Variants in ICE2 observed in about 807,000 individuals in gnomAD.
ICE2 encodes the protein interactor of little elongation complex ELL subunit 2, also known as little elongation complex subunit 2.
A neutral mutation model predicts 105.4 loss-of-function variants in ICE2; 87 were observed. That is an observed-to-expected ratio of 0.83 (90% CI 0.69 to 0.99). ICE2 has a LOEUF of 0.99. ICE2 is among the 50% of genes least tolerant of loss of function. The pLI, the probability that ICE2 is intolerant of heterozygous loss-of-function variation, is 0.00. For missense variants in ICE2, 1,323 were observed against 1,146.7 expected (o/e 1.15, Z -2.22); for synonymous variants, 399 against 392.0 (o/e 1.02, Z -0.21).
At position 60,455,094 on chromosome 15, in the gene ICE2, A is replaced by T; in HGVS notation, c.852T>A (p.Ser284Arg). 6.2e-7 allele frequency: 1 copy of T among 1,603,528 alleles called. No homozygotes were observed. The highest frequency in any genetic ancestry group is 8.5e-7 in the Non-Finnish European group (1 of 1,176,724). Residue 284 changes from serine (S) to arginine (R), a missense_variant, in exon 8 of 16, where the codon AGT becomes AGA. Transcript: ENST00000261520. ...SRYHPQIALT[S>R]QSLFTLLNNH... ...TATTTAATAAGGTAAATAATGACTG[A>T]CTAGTTAGAGCTATCTGAGGGTGAT...
chr15:60,429,398 T>C (rs970468932), intron 14 of ICE2, among the ~76,000 whole-genome samples: 8 of 152,326 alleles, frequency 5.3e-5, no homozygotes, highest in East Asian at 1.9e-4. Context: ...ACCCAGGCAT[T>C]TGAACTCCAC....
intron 5 of ICE2, among the ~76,000 whole-genome samples, chr15:60,462,445 T>C (rs1221879843): frequency 6.6e-6 from 1 of 152,174 alleles, no homozygotes; most frequent in Non-Finnish European, 1.5e-5. Flanking sequence ...GTTTGTGAGG[T>C]AATGCATATG....
intron 3 of ICE2, among the ~76,000 whole-genome samples, chr15:60,474,168 G>A (rs1169326493): frequency 6.6e-6 from 1 of 151,876 alleles, no homozygotes; most frequent in Non-Finnish European, 1.5e-5. Flanking sequence ...AAAATGCTGG[G>A]ATTACAGGTG....
rs533408897 is a variant in ICE2 at position 60,477,858 on chromosome 15, C to A, written c.41+79G>T. On this transcript the variant is annotated intron_variant, in intron 2 of 15. Transcript: ENST00000261520. ...TCTGTTTCCTCCAAATCTCTCTATG[C>A]CAGAAATCTATTTTCTTATGTCAAC... The A allele has an allele frequency of 4.1e-5, 51 of 1,250,958 alleles. No homozygotes were observed. The South Asian group carries it at 5.9e-4, about 14-fold the overall frequency. 77.5% of individuals were successfully genotyped at this position (1,250,958 alleles called of 1,614,324 possible). A position where few individuals can be genotyped will look rare whatever the true frequency, so the allele number is the denominator to read the frequency against.
chr15:60,456,021 A>G (rs1595791082), intron 6 of ICE2, among the ~76,000 whole-genome samples: 2 of 151,900 alleles, frequency 1.3e-5, no homozygotes, highest in East Asian at 3.9e-4. Flanking sequence ...CTCTCCACAC[A>G]CTTATTTCCA....
chr15:60,461,744 T>G (rs1006800399), intron 5 of ICE2, among the ~76,000 whole-genome samples: 32 of 152,180 alleles, frequency 2.1e-4, no homozygotes, highest in African/African-American at 7.5e-4. Flanking sequence ...TCCACTGAAT[T>G]ATTCTCAAAA....
Position 60,479,045 on chromosome 15 carries a change from C to A in ICE2, c.-135G>T, listed in dbSNP as rs906450019. 2 of 455,952 alleles carry A rather than the reference C, an allele frequency of 4.4e-6. No homozygotes were observed. The highest frequency in any genetic ancestry group is 2.0e-5 in the African/African-American group (1 of 50,196). 28.2% of individuals were successfully genotyped at this position (455,952 alleles called of 1,614,324 possible). A position where few individuals can be genotyped will look rare whatever the true frequency, so the allele number is the denominator to read the frequency against. On this transcript the variant is annotated 5_prime_UTR_variant, in exon 1 of 16. Transcript: ENST00000261520. ...CTCTTGCCCAGGCCGCAGCCACACA[C>A]CACACACGCTCCACCCCACTCCTCA...
chr15:60,456,857 TTA>T, intron 5 of ICE2, 63 bp from the exon 6 acceptor site: 1 of 1,053,848 alleles, frequency 9.5e-7, no homozygotes, highest in Non-Finnish European at 1.3e-6. Context: ...AAGAAAATTT[TTA>T]GTTACATGTG....
chr15:60,437,351 TGA>T (rs912639774), intron 12 of ICE2, among the ~76,000 whole-genome samples: 1 of 151,966 alleles, frequency 6.6e-6, no homozygotes, highest in Non-Finnish European at 1.5e-5. Flanking sequence ...ACTTTTTTTT[TGA>T]GACAAAGTTT....
chr15:60,422,129 C>T lies in ICE2; in HGVS notation c.*1505G>A, dbSNP rs1341015671. On this transcript the variant is annotated 3_prime_UTR_variant, in exon 16 of 16. Coordinates refer to ENST00000261520, the MANE Select transcript of ICE2 (RefSeq NM_024611.6). ...TAAGGGTTCTAAAGATTAAACAAGC[C>T]TGTCCTGTTTTTTTTTTTCTTTGAG... 2.6e-5 allele frequency: 4 copies of T among 151,452 alleles called. No homozygotes were observed. In the East Asian group the frequency reaches 7.7e-4, roughly 29 times the overall value. 9.4% of individuals were successfully genotyped at this position (151,452 alleles called of 1,614,324 possible).
intron 11 of ICE2, among the ~76,000 whole-genome samples, chr15:60,443,626 C>T (rs557381081): frequency 6.6e-6 from 1 of 152,168 alleles, no homozygotes; most frequent in South Asian, 2.1e-4. Flanking sequence ...GCTATTGTTC[C>T]AGGGACCATA....
At chr15:60,474,874 C>G (rs1317887300) in intron 3 of ICE2, among the ~76,000 whole-genome samples, 1 of 152,158 alleles carries the variant, frequency 6.6e-6, no homozygotes, top group Non-Finnish European at 1.5e-5. Context: ...GTAACCCCAG[C>G]ACTTTGGGAG....
intron 15 of ICE2, among the ~76,000 whole-genome samples, chr15:60,427,127 C>T (rs1466755948): frequency 3.3e-5 from 5 of 152,180 alleles, no homozygotes; most frequent in Admixed American, 2.0e-4. Context: ...GAGTGGAGAA[C>T]TGAAAGACAT....
rs149272595 is a variant in ICE2 at position 60,453,603 on chromosome 15, G to C, written c.1125C>G (p.Asp375Glu). ...DKPEEFISEM[D>E]MSCEVNECRK... Reference sequence around the variant, plus strand: ...AGGGGAAAAAAAAAGCATTACATACGTCCATTTCAGATATAAACTCTTCAG... The same window carrying C: ...AGGGGAAAAAAAAAGCATTACATACCTCCATTTCAGATATAAACTCTTCAG... Residue 375 changes from aspartate (D) to glutamate (E), a missense_variant and splice_region_variant, in exon 9 of 16, where the codon GAC becomes GAG. Transcript: ENST00000261520. The C allele has an allele frequency of 3.0e-5, 48 of 1,612,370 alleles. No individual in the cohort carries two copies. The highest frequency in any genetic ancestry group is 1.5e-4 in the Admixed American group (9 of 59,932).
intron 3 of ICE2, among the ~76,000 whole-genome samples, chr15:60,474,350 A>ACAGTTTATC (rs1555416809): frequency 6.6e-6 from 1 of 152,156 alleles, no homozygotes; most frequent in Non-Finnish European, 1.5e-5. Flanking sequence ...CCCTCCACTG[A>ACAGTTTATC]CAGTTTATCC....
chr15:60,475,984 C>G (rs2064750402), intron 3 of ICE2, 79 bp downstream of exon 3: 2 of 871,836 alleles, frequency 2.3e-6, no homozygotes, highest in African/African-American at 3.5e-5. Flanking sequence ...ATGTTTAATA[C>G]TAGAGATACA....
intron 3 of ICE2, among the ~76,000 whole-genome samples, chr15:60,473,267 A>C (rs776684629): frequency 6.6e-6 from 1 of 151,070 alleles, no homozygotes; most frequent in Non-Finnish European, 1.5e-5. Context: ...TGTGTGTGTG[A>C]GTGAGTGAGT....
intron 15 of ICE2, among the ~76,000 whole-genome samples, chr15:60,428,055 C>T (rs1269838482): frequency 3.3e-5 from 5 of 151,878 alleles, no homozygotes; most frequent in African/African-American, 7.3e-5. Flanking sequence ...TGTACTCTTC[C>T]GCAAATTGCC....
chr15:60,476,109 G>T lies in ICE2; in HGVS notation c.100C>A (p.His34Asn), dbSNP rs2064754813. ...TFFSRENYKDHSMAPSLKELR... is the reference protein window; with the variant it reads ...TFFSRENYKDNSMAPSLKELR... ...TCTTTTAAACTTGGAGCCATGGAAT[G>T]ATCTTTATAATTTTCTCGAGAGAAA... Residue 34 changes from histidine to asparagine, a missense_variant, in exon 3 of 16, where the codon CAT becomes AAT. Transcript: ENST00000261520. The T allele has an allele frequency of 6.2e-7, 1 of 1,608,766 alleles. No individual in the cohort carries two copies. The highest frequency in any genetic ancestry group is 1.3e-5 in the African/African-American group (1 of 74,638).
Sources: allele counts gnomAD v4.1 joint callset (sites outside exome capture counted in the v4.1 genomes callset), GRCh38; gene constraint gnomAD v4.1.1; transcripts MANE v1.5; gene names NCBI Gene and HGNC (gene_info 2026-07-23, HGNC 2026-07-21).